The following DCAF1 variants were observed in gnomAD, a reference collection of about 807,000 sequenced individuals.
The protein encoded by DCAF1 is DDB1 and CUL4 associated factor 1.
In DCAF1, 15 loss-of-function variants were observed where a neutral mutation model predicts 128.0. That is an observed-to-expected ratio of 0.12 (90% CI 0.08 to 0.18). The LOEUF is 0.18. DCAF1 is among the 10% of genes least tolerant of loss of function. The probability of loss-of-function intolerance (pLI) is 1.00; values close to 1 mark genes in which losing one functional copy is unlikely to be tolerated. For synonymous variants in DCAF1, 610 were observed against 603.0 expected (o/e 1.01, Z -0.17); for missense variants, 988 against 1,649.5 (o/e 0.60, Z 6.95).
intron 3 of DCAF1, among the ~76,000 whole-genome samples, chr3:51,476,912 T>C (rs532322127): frequency 1.1e-4 from 16 of 149,898 alleles, no homozygotes; most frequent in Non-Finnish European, 1.6e-4. Context: ...TAAAACCCTG[T>C]CTCTATTAAA....
At chr3:51,439,943 A>G (rs903281758) in intron 9 of DCAF1, among the ~76,000 whole-genome samples, 3 of 152,024 alleles carry the variant, frequency 2.0e-5, no homozygotes, top group Non-Finnish European at 2.9e-5. Context: ...AGTGAGCAGA[A>G]ATCACACCAC....
intron 6 of DCAF1, among the ~76,000 whole-genome samples, chr3:51,451,669 G>A (rs1702365813): frequency 6.6e-6 from 1 of 151,718 alleles, no homozygotes; most frequent in Non-Finnish European, 1.5e-5. Context: ...GGCCGAGGCA[G>A]GAGACTCCCT....
intron 13 of DCAF1, among the ~76,000 whole-genome samples, chr3:51,426,677 T>C (rs1187962647): frequency 6.6e-6 from 1 of 152,314 alleles, no homozygotes; most frequent in East Asian, 1.9e-4. Flanking sequence ...TACCTTACAA[T>C]ATTTAAATGC....
intron 6 of DCAF1, among the ~76,000 whole-genome samples, chr3:51,446,963 A>AAATAATAATAATAATAATAATAAT (rs59908556): frequency 3.7e-5 from 5 of 136,968 alleles, no homozygotes; most frequent in South Asian, 2.3e-4. Context: ...TTTGTCTCAA[A>AAATAATAATAATAATAATAATAAT]AATAATAATA....
intron 3 of DCAF1, among the ~76,000 whole-genome samples, chr3:51,479,890 C>G (rs868979884): frequency 2.0e-5 from 3 of 151,844 alleles, no homozygotes; most frequent in Middle Eastern, 3.2e-3. Context: ...AGTATTAAAA[C>G]AAAGTGGTGG....
chr3:51,444,666 TATTGATTG>T (rs542801227), intron 6 of DCAF1, among the ~76,000 whole-genome samples: 1 of 150,052 alleles, frequency 6.7e-6, no homozygotes, highest in Non-Finnish European at 1.5e-5. Context: ...AAACTTATTT[TATTGATTG>T]ATTGATTGAT....
chr3:51,456,529 C>T (rs1320687745), intron 6 of DCAF1, among the ~76,000 whole-genome samples: 2 of 152,230 alleles, frequency 1.3e-5, no homozygotes, highest in African/African-American at 4.8e-5. Flanking sequence ...CCTCTGCAGA[C>T]TTAAATGTCC....
rs782312868 is a variant in DCAF1 at position 51,403,142 on chromosome 3, C to T, written c.4465+1G>A. 6.2e-7 allele frequency: 1 copy of T among 1,609,080 alleles called. No homozygotes were observed. Among genetic ancestry groups the T allele is most frequent in the South Asian group, 1.1e-5 (1 of 90,312 alleles). On this transcript the variant is annotated splice_donor_variant, in intron 24 of 24. Transcript: ENST00000684031. LOFTEE classifies it high-confidence loss of function. The stretch of plus-strand genomic sequence containing the variant: ...CAGCCTGAACTCTGCCCTATACTTA[C>T]TGTCCCCCAGGATCAGTTCCACCTC...
chr3:51,408,048 G>A (rs993013781), intron 23 of DCAF1, among the ~76,000 whole-genome samples: 1 of 147,518 alleles, frequency 6.8e-6, no homozygotes, highest in African/African-American at 2.5e-5. Flanking sequence ...ATAATGAGCT[G>A]TGATAGGTGA....
chr3:51,488,659 C>T (rs1444026707), intron 2 of DCAF1, among the ~76,000 whole-genome samples: 1 of 152,100 alleles, frequency 6.6e-6, no homozygotes, highest in East Asian at 1.9e-4. Flanking sequence ...AAAAATTAGC[C>T]GGGCATGGTG....
intron 9 of DCAF1, among the ~76,000 whole-genome samples, chr3:51,436,193 G>C (rs1012228381): frequency 6.6e-6 from 1 of 152,230 alleles, no homozygotes; most frequent in Admixed American, 6.5e-5. Context: ...ATGATGCTCA[G>C]GGAAATCAGA....
At position 51,443,788 on chromosome 3, in the gene DCAF1, T is replaced by C; in HGVS notation, c.491A>G (p.Tyr164Cys). 1 of 1,610,906 alleles carries C rather than the reference T, an allele frequency of 6.2e-7. No individual in the cohort carries two copies. Among genetic ancestry groups the C allele is most frequent in the South Asian group, 1.1e-5 (1 of 90,178 alleles). Residue 164 changes from tyrosine to cysteine, a missense_variant, in exon 7 of 25, where the codon TAT (tyrosine) becomes TGT (cysteine). Tyr to Cys is a radical substitution (Grantham distance 194, BLOSUM62 -2). Transcript: ENST00000684031. ...TACCAGCTGTGAATTTTCATCTCTA[T>C]AGTTGGCAGCAATGTCTTGATTTTC... ...AMENQDIAAN[Y>C]RDENSQLVAI...
chr3:51,401,647 C>T lies in DCAF1; in HGVS notation c.4465+1496G>A, dbSNP rs1360837478. The stretch of plus-strand genomic sequence containing the variant: ...ACAGCTAAAAGAGGCAGTAATTGTA[C>T]AGGCCAAATACAAACTGAGTGGCTT... On this transcript the variant is annotated intron_variant, in intron 24 of 24. Coordinates refer to ENST00000684031, the MANE Select transcript of DCAF1 (RefSeq NM_001387579.1). Among the ~76,000 whole-genome samples, 3 of 152,198 alleles carry T rather than the reference C, an allele frequency of 2.0e-5. No homozygotes were observed. In the East Asian group the frequency reaches 5.8e-4, roughly 29 times the overall value.
At chr3:51,403,114 G>A (rs112287139) in intron 24 of DCAF1, 29 bp downstream of exon 24, 6 of 1,581,018 alleles carry the variant, frequency 3.8e-6, no homozygotes, top group African/African-American at 1.3e-5. Flanking sequence ...GGGTGCCAAG[G>A]CTCAGCCTGA....
intron 24 of DCAF1, among the ~76,000 whole-genome samples, chr3:51,402,323 A>AG (rs753818972): frequency 6.6e-6 from 1 of 151,994 alleles, no homozygotes; most frequent in Non-Finnish European, 1.5e-5. Flanking sequence ...GCACCCCATG[A>AG]GGGGCTGCTT....
chr3:51,476,383 C>T (rs1705446934), intron 3 of DCAF1, among the ~76,000 whole-genome samples: 2 of 151,278 alleles, frequency 1.3e-5, no homozygotes, highest in African/African-American at 4.9e-5. Flanking sequence ...AGTGAGACTC[C>T]ATCTCAAAAC....
intron 18 of DCAF1, 145 bp from the exon 19 acceptor site, chr3:51,415,002 A>C: frequency 1.5e-6 from 2 of 1,310,946 alleles, no homozygotes; most frequent in Non-Finnish European, 2.0e-6. Context: ...CTGCCTCCCA[A>C]AGTGCTGGGA....
intron 13 of DCAF1, among the ~76,000 whole-genome samples, chr3:51,424,379 GGTGA>G (rs1239456021): frequency 1.3e-5 from 2 of 151,294 alleles, no homozygotes; most frequent in African/African-American, 4.9e-5. Flanking sequence ...CTCCAGCCTG[GGTGA>G]CAGAGCAAGA....
rs1407801618 is a variant in DCAF1 at position 51,441,855 on chromosome 3, C to T, written c.556G>A (p.Glu186Lys). ...LRRLRELQLQ[E>K]VALRQENKRP... Reference sequence around the variant, plus strand: ...TTGTTTTCCTGCCGCAAAGCCACTTCCTGTAGCTGTAGCTCCCTCAGTCTT... The same window carrying T: ...TTGTTTTCCTGCCGCAAAGCCACTTTCTGTAGCTGTAGCTCCCTCAGTCTT... Residue 186 changes from glutamate (E) to lysine (K), a missense_variant, in exon 8 of 25, where the codon GAA becomes AAA. By Grantham distance (56) the Glu-to-Lys change is moderately conservative. Around this residue, in one of 11 missense-constraint regions of DCAF1, gnomAD observed 210 missense variants for 260.2 expected, o/e 0.81. Coordinates refer to ENST00000684031, the MANE Select transcript of DCAF1 (RefSeq NM_001387579.1). 1 of 1,612,122 alleles carries T rather than the reference C, an allele frequency of 6.2e-7. No homozygotes were observed.
Sources: gnomAD v4.1 joint callset for allele counts (sites outside exome capture counted in the v4.1 genomes callset) on GRCh38, gnomAD v4.1.1 for gene constraint, gnomAD v4.1.1 regional missense constraint, MANE v1.5 for transcripts, NCBI Gene and HGNC (gene_info 2026-07-23, HGNC 2026-07-21) for gene names.